GALNT17: variants seen among roughly 807,000 people sequenced by gnomAD.
GALNT17 encodes the protein polypeptide N-acetylgalactosaminyltransferase 17, also known as UDP-GalNAc:polypeptide N-acetylgalactosaminyltransferase-like 3.
GALNT17 carries 29 observed loss-of-function variants against 63.7 expected under a neutral mutation model. The observed-to-expected ratio is 0.46, with a 90% CI of 0.34 to 0.62. The LOEUF (loss-of-function observed/expected upper bound fraction) is 0.62, where lower values mean the gene tolerates loss of function less well. GALNT17 is among the 20% of genes least tolerant of loss of function. The pLI is 0.01. For missense variants in GALNT17, 603 were observed against 799.6 expected, an observed-to-expected ratio of 0.75 and a Z score of 2.97; for synonymous variants, 305 against 318.3, an observed-to-expected ratio of 0.96 and a Z score of 0.45.
At position 71,260,321 on chromosome 7, in the gene GALNT17, A is replaced by G. The variant is rs113886129; in HGVS notation, c.239-75229A>G. Among the ~76,000 whole-genome samples, 664 of 152,302 alleles carry G rather than the reference A, an allele frequency of 4.4e-3. 6 individuals are homozygous for G. The highest frequency in any genetic ancestry group is 0.015 in the African/African-American group (624 of 41,572). ...ATGCTGTACATCTCTTGACACTTCT[A>G]TAATTCTGCCATTCTCCCTGACTCC... On this transcript the variant is annotated intron_variant, in intron 1 of 10. Transcript: ENST00000333538.
At chr7:71,543,337 GC>G (rs1788925368) in intron 5 of GALNT17, among the ~76,000 whole-genome samples, 1 of 152,158 alleles carries the variant, frequency 6.6e-6, no homozygotes, top group African/African-American at 2.4e-5. Context: ...GAAAAGGACA[GC>G]TTTTTATTGC....
At chr7:71,440,626 G>A (rs753658775) in intron 5 of GALNT17, among the ~76,000 whole-genome samples, 43 of 152,046 alleles carry the variant, frequency 2.8e-4, no homozygotes, top group Admixed American at 5.9e-4. Context: ...TGCCCACCTC[G>A]GCCTCCCAAA....
intron 7 of GALNT17, among the ~76,000 whole-genome samples, chr7:71,668,516 C>CA (rs56329930): frequency 0.015 from 958 of 62,946 alleles, 45 homozygotes; most frequent in African/African-American, 0.047. Flanking sequence ...GACACCATCT[C>CA]AAAAAAAAAA....
At chr7:71,521,539 C>T (rs999573400) in intron 5 of GALNT17, among the ~76,000 whole-genome samples, 1 of 152,214 alleles carries the variant, frequency 6.6e-6, no homozygotes, top group Non-Finnish European at 1.5e-5. Context: ...AATGTGGCAG[C>T]CTTTCTGCCT....
intron 5 of GALNT17, among the ~76,000 whole-genome samples, chr7:71,481,471 T>A (rs967002736): frequency 2.0e-5 from 3 of 151,934 alleles, no homozygotes; most frequent in African/African-American, 7.2e-5. Flanking sequence ...AAAGGCTGCA[T>A]GTGGTGGGTG....
intron 5 of GALNT17, among the ~76,000 whole-genome samples, chr7:71,525,305 A>G (rs1034209056): frequency 2.6e-5 from 4 of 151,922 alleles, no homozygotes; most frequent in Admixed American, 1.3e-4. Context: ...CCTCCCAAAT[A>G]GCTGGGACTA....
rs1437948820 is a variant in GALNT17 at position 71,431,222 on chromosome 7, T to G, written c.962+10117T>G. ...TTCTTTTCTTTTCTTTTTTTTTTTT[T>G]TTTTTTTGAGACAGAGTCTTGCCCT... is the stretch of plus-strand genomic sequence containing the variant. On this transcript the variant is annotated intron_variant, in intron 5 of 10. Transcript: ENST00000333538. Among the ~76,000 whole-genome samples the G allele has an allele frequency of 1.2e-4, 17 of 145,612 alleles. 1 individual carries two copies. In the Admixed American group the frequency reaches 1.2e-3, roughly 10 times the overall value.
chr7:71,400,798 G>C (rs1486719289), intron 3 of GALNT17, among the ~76,000 whole-genome samples: 1 of 152,174 alleles, frequency 6.6e-6, no homozygotes, highest in Non-Finnish European at 1.5e-5. Flanking sequence ...ATGACTGATT[G>C]GTTATAAAGA....
intron 3 of GALNT17, among the ~76,000 whole-genome samples, chr7:71,399,499 C>G (rs867834422): frequency 8.5e-5 from 13 of 152,182 alleles, no homozygotes; most frequent in African/African-American, 2.9e-4. Context: ...CTAGCTTCCT[C>G]AATTTCATGG....
intron 5 of GALNT17, among the ~76,000 whole-genome samples, chr7:71,446,123 A>G (rs1293501439): frequency 6.6e-6 from 1 of 152,204 alleles, no homozygotes; most frequent in Non-Finnish European, 1.5e-5. Flanking sequence ...ACAGCCATTC[A>G]AGAGGGGAAG....
At chr7:71,444,561 T>G (rs1437818681) in intron 5 of GALNT17, among the ~76,000 whole-genome samples, 1 of 152,076 alleles carries the variant, frequency 6.6e-6, no homozygotes, top group East Asian at 1.9e-4. Flanking sequence ...GAGGGCCGGG[T>G]GCAGTGGCTC....
chr7:71,436,146 A>G (rs1786959864), intron 5 of GALNT17, among the ~76,000 whole-genome samples: 1 of 152,044 alleles, frequency 6.6e-6, no homozygotes, highest in African/African-American at 2.4e-5. Flanking sequence ...CTCTGTTGCA[A>G]TTCCCCTGTC....
intron 1 of GALNT17, among the ~76,000 whole-genome samples, chr7:71,211,104 T>A (rs1220261884): frequency 6.6e-6 from 1 of 152,204 alleles, no homozygotes; most frequent in East Asian, 1.9e-4. Flanking sequence ...CAACAGAGAT[T>A]CTATCAAGTT....
intron 2 of GALNT17, among the ~76,000 whole-genome samples, chr7:71,376,103 A>AAGAAG (rs1792718227): frequency 6.6e-6 from 1 of 151,914 alleles, no homozygotes; most frequent in East Asian, 1.9e-4. Flanking sequence ...AGAAAAAGAA[A>AAGAAG]AAAAAGAATC....
Position 71,713,209 on chromosome 7 carries a change from G to A in GALNT17, c.*1063G>A. ...TGTGTGTGCCTGCGTGCTGTGCGTG[G>A]CAGGGTGTGTGTGTGTGTGTCTGGC... On this transcript the variant is annotated 3_prime_UTR_variant, in exon 11 of 11. Coordinates refer to ENST00000333538, the MANE Select transcript of GALNT17 (RefSeq NM_022479.3). 6.5e-6 allele frequency: 1 copy of A among 153,148 alleles called. No homozygotes were observed. The highest frequency in any genetic ancestry group is 1.5e-5 in the Non-Finnish European group (1 of 68,400). The allele number at this position is 153,148 out of a possible 1,614,324, so 9.5% of individuals were successfully genotyped here.
chr7:71,322,439 T>C (rs1455915634), intron 1 of GALNT17, among the ~76,000 whole-genome samples: 1 of 152,198 alleles, frequency 6.6e-6, no homozygotes, highest in Non-Finnish European at 1.5e-5. Context: ...CTAACAATGA[T>C]TCATATCTCT....
At chr7:71,360,689 T>A (rs950502559) in intron 2 of GALNT17, among the ~76,000 whole-genome samples, 10 of 152,158 alleles carry the variant, frequency 6.6e-5, no homozygotes, top group Admixed American at 6.5e-4. Context: ...TCCCAGTACT[T>A]TGGGAGGCCA....
chr7:71,165,979 A>T (rs1182515011), intron 1 of GALNT17, among the ~76,000 whole-genome samples: 2 of 151,196 alleles, frequency 1.3e-5, no homozygotes, highest in Non-Finnish European at 2.9e-5. Flanking sequence ...AACTCTCTTC[A>T]CCTCTTGTTT....
intron 1 of GALNT17, among the ~76,000 whole-genome samples, chr7:71,176,060 C>A (rs1788631682): frequency 6.6e-6 from 1 of 152,062 alleles, no homozygotes; most frequent in Admixed American, 6.6e-5. Flanking sequence ...CTGGTTAATG[C>A]TGGCTTTCAG....
Sources: gnomAD v4.1 joint callset for allele counts (sites outside exome capture counted in the v4.1 genomes callset) on GRCh38, gnomAD v4.1.1 for gene constraint, MANE v1.5 for transcripts, NCBI Gene and HGNC (gene_info 2026-07-23, HGNC 2026-07-21) for gene names.